NEFL: variants seen among roughly 807,000 people sequenced by gnomAD.
NEFL encodes the protein neurofilament light chain.
In NEFL, 36 loss-of-function variants were observed where a neutral mutation model predicts 51.6. The observed-to-expected ratio is 0.70, with a 90% CI of 0.53 to 0.92. The LOEUF (loss-of-function observed/expected upper bound fraction) is 0.92. NEFL is among the 40% of genes least tolerant of loss of function. The probability of loss-of-function intolerance (pLI) is 0.00; values close to 1 mark genes in which losing one functional copy is unlikely to be tolerated. For synonymous variants in NEFL, 332 were observed against 302.5 expected (o/e 1.10, Z -1.01); for missense variants, 671 against 722.0 (o/e 0.93, Z 0.81).
In NEFL at chr8:24,956,319, G is replaced by C; in HGVS notation, c.197C>G (p.Pro66Arg). 3 of 1,610,446 alleles carry C rather than the reference G, an allele frequency of 1.9e-6. No individual in the cohort carries two copies. The highest frequency in any genetic ancestry group is 2.2e-5 in the East Asian group (1 of 44,724). ...SYSSSSGSLM[P>R]SLENLDLSQV... ...GCTCAGGTCGAGGTTCTCCAGACTG[G>C]GCATCAACGATCCAGAGCTGGAGGA... is the stretch of plus-strand genomic sequence containing the variant. The change falls in exon 1 of 4, where the codon CCC becomes CGC. Residue 66 changes from proline (P) to arginine (R), a missense_variant. Coordinates refer to ENST00000610854, the MANE Select transcript of NEFL (RefSeq NM_006158.5). The surrounding 1 kb of genome is among the most constrained non-coding windows in gnomAD (Gnocchi z 5.9).
rs1802969827 is a variant in NEFL, at chr8:24,951,575, G to A, written c.*1235C>T. 6.6e-6 allele frequency: 1 copy of A among 152,386 alleles called. No individual in the cohort carries two copies. The highest frequency in any genetic ancestry group is 1.5e-5 in the Non-Finnish European group (1 of 68,036). The allele number at this position is 152,386 out of a possible 1,614,324, so 9.4% of individuals were successfully genotyped here. Reference sequence around the variant, plus strand: ...ATATCTCCCAGTAGAGACATGCAGAGCAATGTCAATGTAACATACAAGCAT... The same window carrying A: ...ATATCTCCCAGTAGAGACATGCAGAACAATGTCAATGTAACATACAAGCAT... On this transcript the variant is annotated 3_prime_UTR_variant, in exon 4 of 4. Transcript: ENST00000610854.
Position 24,951,713 on chromosome 8 carries a change from TAAC to T in NEFL, c.*1094_*1096del, listed in dbSNP as rs993895440. 6.6e-6 allele frequency: 1 copy of T among 152,634 alleles called. No individual in the cohort carries two copies. The highest frequency in any genetic ancestry group is 2.4e-5 in the African/African-American group (1 of 41,458). The allele number at this position is 152,634 out of a possible 1,614,324, so 9.5% of individuals were successfully genotyped here. On this transcript the variant is annotated 3_prime_UTR_variant, in exon 4 of 4. Coordinates refer to ENST00000610854, the MANE Select transcript of NEFL (RefSeq NM_006158.5). ...TTACTTGAGGCAACAGAATTACGCT[TAAC>T]AACACACTAAATCATGAGCTCAGGA...
In NEFL at chr8:24,955,456, T is replaced by C. The variant is rs559696196; in HGVS notation, c.1044+16A>G. 13 of 1,223,506 alleles carry C rather than the reference T, an allele frequency of 1.1e-5. No individual in the cohort carries two copies. The highest frequency in any genetic ancestry group is 8.9e-5 in the African/African-American group (6 of 67,042). 75.8% of individuals were successfully genotyped at this position (1,223,506 alleles called of 1,614,324 possible). On this transcript the variant is annotated intron_variant, in intron 1 of 3. Transcript: ENST00000610854. The surrounding 1 kb of genome is among the most constrained non-coding windows in gnomAD (Gnocchi z 4.0). ...CTCGAGTCCCCCGCCCCCCTGTGTTTCTGGCCGTGCCGCACCTGCATAGCG... is the reference window on the plus strand; with the variant it reads ...CTCGAGTCCCCCGCCCCCCTGTGTTCCTGGCCGTGCCGCACCTGCATAGCG...
intron 3 of NEFL, among the ~76,000 whole-genome samples, chr8:24,953,248 A>G (rs1011581719): frequency 5.9e-5 from 9 of 152,224 alleles, no homozygotes; most frequent in African/African-American, 1.9e-4. Context: ...TCTTTAGGAC[A>G]CCAACCTGCT....
At position 24,955,919 on chromosome 8, in the gene NEFL, G is replaced by A. The variant is rs1423856572; in HGVS notation, c.597C>T (p.Ala199=). Residue 199 remains alanine (A), a synonymous_variant, in exon 1 of 4, where the codon GCC becomes GCT. Transcript: ENST00000610854. This position sits in a 1 kb window ranked among gnomAD's most constrained non-coding sequence, Gnocchi z 4.0. ...CGGCGCGAGCGAGCGCCGCCTCGTC[G>A]GCGCCTTTGCGCGCTTCCATCAGCC... ...EGRLMEARKG[A]DEAALARAEL... 1.2e-6 allele frequency: 2 copies of A among 1,604,636 alleles called. No homozygotes were observed. The highest frequency in any genetic ancestry group is 8.5e-7 in the Non-Finnish European group (1 of 1,179,700).
chr8:24,952,807 G>A lies in NEFL; in HGVS notation c.*3C>T. The A allele has an allele frequency of 1.2e-6, 2 of 1,613,792 alleles. No individual in the cohort carries two copies. The highest frequency in any genetic ancestry group is 1.7e-6 in the Non-Finnish European group (2 of 1,179,870). On this transcript the variant is annotated 3_prime_UTR_variant, in exon 4 of 4. Coordinates refer to ENST00000610854, the MANE Select transcript of NEFL (RefSeq NM_006158.5). ...TTCCTGAAATAATTAAGGAAATGGG[G>A]GTTCAATCTTTCTTCTTAGCTGCTT...
rs1237912294 is a variant in NEFL at position 24,956,109 on chromosome 8, C to T, written c.407G>A (p.Arg136Gln). Residue 136 changes from arginine to glutamine, a missense_variant, in exon 1 of 4, where the codon CGG becomes CAG. By Grantham distance (43) the Arg-to-Gln change is conservative. Coordinates refer to ENST00000610854, the MANE Select transcript of NEFL (RefSeq NM_006158.5). The surrounding 1 kb of genome is among the most constrained non-coding windows in gnomAD (Gnocchi z 5.9). ...GCGGATCTCCTGCTCGTACAGCGCC[C>T]GGAAGCGGGATGGCTCGGAGTGCTT... ...RQKHSEPSRFRALYEQEIRDL... is the reference protein window; with the variant it reads ...RQKHSEPSRFQALYEQEIRDL... The T allele has an allele frequency of 1.2e-6, 2 of 1,607,444 alleles. No homozygotes were observed. The highest frequency in any genetic ancestry group is 1.3e-5 in the African/African-American group (1 of 75,026).
rs375151853 is a variant in NEFL, at chr8:24,953,609, G to A, written c.1356C>T (p.Ile452=). 2 of 1,613,852 alleles carry A rather than the reference G, an allele frequency of 1.2e-6. No homozygotes were observed. Among genetic ancestry groups the A allele is most frequent in the Non-Finnish European group, 1.7e-6 (2 of 1,179,906 alleles). Residue 452 remains isoleucine (I), a synonymous_variant, in exon 3 of 4, where the codon ATC becomes ATT. Transcript: ENST00000610854. Reference sequence around the variant, plus strand: ...CAGCCTCAATGGTTTCCTCCACTTCGATCTGCTCCTCTTGGACATGGCTGG... The same window carrying A: ...CAGCCTCAATGGTTTCCTCCACTTCAATCTGCTCCTCTTGGACATGGCTGG... The part of the protein sequence containing the change: ...YYTSHVQEEQ[I]EVEETIEAAK...
At position 24,955,648 on chromosome 8, in the gene NEFL, T is replaced by C. The variant is rs777110668; in HGVS notation, c.868A>G (p.Ser290Gly). The part of the protein sequence containing the change: ...FKSRFTVLTE[S>G]AAKNTDAVRA... ...ACGGCGTCGGTGTTCTTGGCGGCGCTCTCGGTCAGCACGGTGAAGCGGCTC... is the reference window on the plus strand; with the variant it reads ...ACGGCGTCGGTGTTCTTGGCGGCGCCCTCGGTCAGCACGGTGAAGCGGCTC... Residue 290 changes from serine (S) to glycine (G), a missense_variant, in exon 1 of 4, where the codon AGC becomes GGC. Transcript: ENST00000610854. The surrounding 1 kb of genome is among the most constrained non-coding windows in gnomAD (Gnocchi z 4.0). 3.1e-6 allele frequency: 5 copies of C among 1,613,608 alleles called. No homozygotes were observed. The highest frequency in any genetic ancestry group is 4.2e-6 in the Non-Finnish European group (5 of 1,179,870).
rs1408154754 is a variant in NEFL, at chr8:24,951,984, G to A, written c.*826C>T. On this transcript the variant is annotated 3_prime_UTR_variant, in exon 4 of 4. Coordinates refer to ENST00000610854, the MANE Select transcript of NEFL (RefSeq NM_006158.5). ...AGTTTGAAATGACCTATTTATCATG[G>A]TTCCATAGTGTAATGGTTAGCACTC... 1 of 152,160 alleles carries A rather than the reference G, an allele frequency of 6.6e-6. No individual in the cohort carries two copies. The highest frequency in any genetic ancestry group is 1.9e-4 in the East Asian group (1 of 5,188). The allele number at this position is 152,160 out of a possible 1,614,324, so 9.4% of individuals were successfully genotyped here.
In NEFL at chr8:24,956,563, A is replaced by G. The variant is rs1224715701; in HGVS notation, c.-48T>C. 3.3e-6 allele frequency: 5 copies of G among 1,523,944 alleles called. No individual in the cohort carries two copies. Among genetic ancestry groups the G allele is most frequent in the South Asian group, 1.2e-5 (1 of 83,800 alleles). The allele number at this position is 1,523,944 out of a possible 1,614,324, so 94.4% of individuals were successfully genotyped here. On this transcript the variant is annotated 5_prime_UTR_variant, in exon 1 of 4. Transcript: ENST00000610854. This position sits in a 1 kb window ranked among gnomAD's most constrained non-coding sequence, Gnocchi z 5.9. Reference sequence around the variant, plus strand: ...GCCCGCGGCGGCGGTGGGAGCCCGGAGAGAGAGGACAGGGGAGAGAGGGAA... The same window carrying G: ...GCCCGCGGCGGCGGTGGGAGCCCGGGGAGAGAGGACAGGGGAGAGAGGGAA...
chr8:24,954,446 T>C lies in NEFL; in HGVS notation c.1045-141A>G. The stretch of plus-strand genomic sequence containing the variant: ...TGATAAAATCTCTCCTAGAATAACT[T>C]CCTGTATCTTTTGAAAAACCTTCAT... On this transcript the variant is annotated intron_variant, in intron 1 of 3. Coordinates refer to ENST00000610854, the MANE Select transcript of NEFL (RefSeq NM_006158.5). 3 of 982,972 alleles carry C rather than the reference T, an allele frequency of 3.1e-6. No homozygotes were observed. In the South Asian group the frequency reaches 5.7e-5, roughly 19 times the overall value. 60.9% of individuals were successfully genotyped at this position (982,972 alleles called of 1,614,324 possible).
Position 24,954,246 on chromosome 8 carries a change from G to A in NEFL, c.1104C>T (p.Tyr368=), listed in dbSNP as rs374271954. Residue 368 remains tyrosine (Y), a synonymous_variant, in exon 2 of 4, where the codon TAC becomes TAT. Coordinates refer to ENST00000610854, the MANE Select transcript of NEFL (RefSeq NM_006158.5). The part of the protein sequence containing the change: ...LRTTKSEMAR[Y]LKEYQDLLNV... ...TGAGGAGGTCTTGGTATTCTTTTAG[G>A]TATCGTGCCATTTCACTCTTTGTGG... 5.6e-6 allele frequency: 9 copies of A among 1,613,286 alleles called. No individual in the cohort carries two copies. Among genetic ancestry groups the A allele is most frequent in the Non-Finnish European group, 6.8e-6 (8 of 1,179,738 alleles).
At position 24,956,530 on chromosome 8, in the gene NEFL, G is replaced by C. The variant is rs949785152; in HGVS notation, c.-15C>G. The C allele has an allele frequency of 4.2e-5, 67 of 1,577,508 alleles. No individual in the cohort carries two copies. The highest frequency in any genetic ancestry group is 5.4e-5 in the African/African-American group (4 of 74,102). On this transcript the variant is annotated 5_prime_UTR_variant, in exon 1 of 4. Coordinates refer to ENST00000610854, the MANE Select transcript of NEFL (RefSeq NM_006158.5). The surrounding 1 kb of genome is among the most constrained non-coding windows in gnomAD (Gnocchi z 5.9). ...AAGGAACTCATGGTGGCGGCCGGTG[G>C]CTCCCCGGCCCGCGGCGGCGGTGGG...
chr8:24,953,885 G>A, intron 2 of NEFL, 90 bp from the exon 3 acceptor site: 1 of 1,463,048 alleles, frequency 6.8e-7, no homozygotes, highest in Non-Finnish European at 9.0e-7. Context: ...AGCAGGAGCA[G>A]GGCTGGGATT....
rs2979704 is a variant in NEFL, at chr8:24,951,554, C to T, written c.*1256G>A. On this transcript the variant is annotated 3_prime_UTR_variant, in exon 4 of 4. Coordinates refer to ENST00000610854, the MANE Select transcript of NEFL (RefSeq NM_006158.5). ...CAAGCTATCATTGAAATCCAAATATCTCCCAGTAGAGACATGCAGAGCAAT... is the reference window on the plus strand; with the variant it reads ...CAAGCTATCATTGAAATCCAAATATTTCCCAGTAGAGACATGCAGAGCAAT... 118,737 of 152,232 alleles carry T rather than the reference C, an allele frequency of 0.78. 47,483 individuals carry two copies. Among genetic ancestry groups the T allele is most frequent in the Non-Finnish European group, 0.87 (59,398 of 68,002 alleles). 9.4% of individuals were successfully genotyped at this position (152,232 alleles called of 1,614,324 possible). A position where few individuals can be genotyped will look rare whatever the true frequency, so the allele number is the denominator to read the frequency against.
rs1401037920 is a variant in NEFL, at chr8:24,955,103, A to T, written c.1044+369T>A. The T allele has an allele frequency of 4.0e-6, 1 of 247,034 alleles. No individual in the cohort carries two copies. Among genetic ancestry groups the T allele is most frequent in the Non-Finnish European group, 7.8e-6 (1 of 127,786 alleles). The allele number at this position is 247,034 out of a possible 1,614,324, so 15.3% of individuals were successfully genotyped here. On this transcript the variant is annotated intron_variant, in intron 1 of 3. Coordinates refer to ENST00000610854, the MANE Select transcript of NEFL (RefSeq NM_006158.5). This position sits in a 1 kb window ranked among gnomAD's most constrained non-coding sequence, Gnocchi z 4.0. ...TTGAGAGTTGTTCACTCTACTATTTATTAACTAGATGATCCGATAGTTGCT... is the reference window on the plus strand; with the variant it reads ...TTGAGAGTTGTTCACTCTACTATTTTTTAACTAGATGATCCGATAGTTGCT...
rs76347846 is a variant in NEFL, at chr8:24,953,808, A to G, written c.1170-13T>C. 0.074 allele frequency: 118,386 copies of G among 1,599,144 alleles called. 5,019 individuals carry two copies. Among genetic ancestry groups the G allele is most frequent in the Middle Eastern group, 0.14 (785 of 5,572 alleles). On this transcript the variant is annotated splice_polypyrimidine_tract_variant and intron_variant, in intron 2 of 3. Transcript: ENST00000610854. Reference sequence around the variant, plus strand: ...TTCCAAGAGTTTCCTGGGGATGCAGATGCAAGGTGAGGTTAAAAAACACCT... The same window carrying G: ...TTCCAAGAGTTTCCTGGGGATGCAGGTGCAAGGTGAGGTTAAAAAACACCT...
rs1802990414 is a variant in NEFL, at chr8:24,952,959, C to T, written c.1490-7G>A. Reference sequence around the variant, plus strand: ...TCAGACTCTTCCTTGGCAGCTTTAACATAAAAAGAAAATGTACAAAATGCA... The same window carrying T: ...TCAGACTCTTCCTTGGCAGCTTTAATATAAAAAGAAAATGTACAAAATGCA... On this transcript the variant is annotated splice_polypyrimidine_tract_variant and splice_region_variant and intron_variant, in intron 3 of 3. Transcript: ENST00000610854. 3 of 1,604,640 alleles carry T rather than the reference C, an allele frequency of 1.9e-6. No individual in the cohort carries two copies. The highest frequency in any genetic ancestry group is 3.4e-5 in the Admixed American group (2 of 58,642).
Sources: allele counts gnomAD v4.1 joint callset (sites outside exome capture counted in the v4.1 genomes callset), GRCh38; gene constraint gnomAD v4.1.1; non-coding constraint Gnocchi (gnomAD v3.1); transcripts MANE v1.5; gene names NCBI Gene and HGNC (gene_info 2026-07-23, HGNC 2026-07-21).